The following OR8D1 variants were observed in gnomAD, a reference collection of about 807,000 sequenced individuals.
The protein encoded by OR8D1 is olfactory receptor family 8 subfamily D member 1.
For missense variants in OR8D1, 384 were observed against 366.8 expected, an observed-to-expected ratio of 1.05 and a Z score of -0.38; for synonymous variants, 143 against 147.0, an observed-to-expected ratio of 0.97 and a Z score of 0.20.
At chr11:124,312,579 G>A (rs906340316) in intron 1 of OR8D1, among the ~76,000 whole-genome samples, 4 of 148,132 alleles carry the variant, frequency 2.7e-5, no homozygotes, top group Non-Finnish European at 4.4e-5. Context: ...GTGCAATGGC[G>A]CCATCTCGGC....
At position 124,304,142 on chromosome 11, in the gene OR8D1, G is replaced by A. The variant is rs1366159949; in HGVS notation, c.*5698C>T. ...AGAAAACATGTCAGTCTCTAATGTA[G>A]GCCATTGCTATCACCTGAGAAAGTT... On this transcript the variant is annotated 3_prime_UTR_variant, in exon 3 of 3. Coordinates refer to ENST00000641015, the MANE Select transcript of OR8D1 (RefSeq NM_001002917.2). The A allele has an allele frequency of 6.6e-6, 1 of 151,868 alleles. No individual in the cohort carries two copies. The highest frequency in any genetic ancestry group is 2.4e-5 in the African/African-American group (1 of 41,390). The allele number at this position is 151,868 out of a possible 1,614,324, so 9.4% of individuals were successfully genotyped here.
chr11:124,313,175 AAAGGAAAGAAAAAGAAGG>A (rs983908147), intron 1 of OR8D1, among the ~76,000 whole-genome samples: 9 of 149,748 alleles, frequency 6.0e-5, no homozygotes, highest in Non-Finnish European at 1.2e-4. Flanking sequence ...CTCCATCTCG[AAAGGAAAGAAAAAGAAGG>A]AAGGAAAGAA....
Position 124,304,328 on chromosome 11 carries a change from A to G in OR8D1, c.*5512T>C, listed in dbSNP as rs745404523. 3.3e-5 allele frequency: 5 copies of G among 151,974 alleles called. No individual in the cohort carries two copies. The highest frequency in any genetic ancestry group is 4.8e-5 in the African/African-American group (2 of 41,442). 9.4% of individuals were successfully genotyped at this position (151,974 alleles called of 1,614,324 possible). ...GTTTGTGGTTTCTTGGCCTAGACATATTATTAAATGATATTCATCTGTTTG... is the reference window on the plus strand; with the variant it reads ...GTTTGTGGTTTCTTGGCCTAGACATGTTATTAAATGATATTCATCTGTTTG... On this transcript the variant is annotated 3_prime_UTR_variant, in exon 3 of 3. Transcript: ENST00000641015.
chr11:124,312,903 G>T (rs570953), intron 1 of OR8D1, among the ~76,000 whole-genome samples: 3,440 of 152,000 alleles, frequency 0.023, 62 homozygotes, highest in South Asian at 0.04. Context: ...GCCAGGCGTG[G>T]TGCCTCATCC....
chr11:124,311,227 G>A (rs1028941870), intron 2 of OR8D1, among the ~76,000 whole-genome samples: 1 of 152,106 alleles, frequency 6.6e-6, no homozygotes, highest in Non-Finnish European at 1.5e-5. Flanking sequence ...AGAATTGAAA[G>A]TGTCTATTAC....
In OR8D1 at chr11:124,302,984, C is replaced by T. The variant is rs1245454401; in HGVS notation, c.*6856G>A. Reference sequence around the variant, plus strand: ...TCCTGATTTACTCATGAACTCCTTACTAGGAAGGAATAAGGAGACCAAAAC... The same window carrying T: ...TCCTGATTTACTCATGAACTCCTTATTAGGAAGGAATAAGGAGACCAAAAC... On this transcript the variant is annotated 3_prime_UTR_variant, in exon 3 of 3. Coordinates refer to ENST00000641015, the MANE Select transcript of OR8D1 (RefSeq NM_001002917.2). 6.6e-6 allele frequency: 1 copy of T among 151,976 alleles called. No individual in the cohort carries two copies. Among genetic ancestry groups the T allele is most frequent in the African/African-American group, 2.4e-5 (1 of 41,404 alleles). 9.4% of individuals were successfully genotyped at this position (151,976 alleles called of 1,614,324 possible).
Position 124,310,747 on chromosome 11 carries a change from G to T in OR8D1, c.20C>A (p.Ser7Tyr), listed in dbSNP as rs138336307. Residue 7 changes from serine (S) to tyrosine (Y), a missense_variant, in exon 3 of 3, where the codon TCT (serine) becomes TAT (tyrosine). Transcript: ENST00000641015. MTMENY[S>Y]MAAQFVLDGL... ...ATCTAAGACAAACTGAGCTGCCATA[G>T]AATAATTTTCCATGGTCATTCTTCT... The T allele has an allele frequency of 5.0e-3, 7,996 of 1,610,566 alleles. 28 individuals carry two copies. Among genetic ancestry groups the T allele is most frequent in the Non-Finnish European group, 5.5e-3 (6,468 of 1,178,106 alleles).
At chr11:124,312,727 A>G (rs1862433863) in intron 1 of OR8D1, among the ~76,000 whole-genome samples, 1 of 151,734 alleles carries the variant, frequency 6.6e-6, no homozygotes, top group African/African-American at 2.4e-5. Flanking sequence ...CATGTTGGCC[A>G]GGCTGGTCTC....
Position 124,310,768 on chromosome 11 carries a change from C to T in OR8D1, c.-2G>A, listed in dbSNP as rs200016661. The T allele has an allele frequency of 2.6e-5, 41 of 1,601,944 alleles. No individual in the cohort carries two copies. The African/African-American group carries it at 4.6e-4, about 18-fold the overall frequency. On this transcript the variant is annotated 5_prime_UTR_variant, in exon 3 of 3. Transcript: ENST00000641015. ...CATAGAATAATTTTCCATGGTCATT[C>T]TTCTTTAGGCATTTCTGTGAAAATA...
chr11:124,310,035 A>G lies in OR8D1; in HGVS notation c.732T>C (p.His244=). The G allele has an allele frequency of 1.2e-6, 2 of 1,611,102 alleles. No homozygotes were observed. Among genetic ancestry groups the G allele is most frequent in the Non-Finnish European group, 8.5e-7 (1 of 1,178,344 alleles). ...CAAAGAAGATCACCACAGCCATGAG[A>G]TGAGAGCTGCATGTTCCAAAAGCTT... is the stretch of plus-strand genomic sequence containing the variant. ...RSKAFGTCSS[H]LMAVVIFFGS... Residue 244 remains histidine (H), a synonymous_variant, in exon 3 of 3, where the codon CAT becomes CAC. Coordinates refer to ENST00000641015, the MANE Select transcript of OR8D1 (RefSeq NM_001002917.2).
chr11:124,310,365 C>T lies in OR8D1; in HGVS notation c.402G>A (p.Ala134=), dbSNP rs1467733666. The T allele has an allele frequency of 3.7e-6, 6 of 1,613,432 alleles. No individual in the cohort carries two copies. Among genetic ancestry groups the T allele is most frequent in the Middle Eastern group, 1.6e-4 (1 of 6,078 alleles). The part of the protein sequence containing the change: ...VAICSPLLYN[A]IMSSWVCSLL... ...GTGAGCAGACCCATGAGGACATGATCGCATTATAAAGCAGTGGGCTACAGA... is the reference window on the plus strand; with the variant it reads ...GTGAGCAGACCCATGAGGACATGATTGCATTATAAAGCAGTGGGCTACAGA... Residue 134 remains alanine, a synonymous_variant, in exon 3 of 3, where the codon GCG becomes GCA. Transcript: ENST00000641015.
intron 1 of OR8D1, among the ~76,000 whole-genome samples, chr11:124,312,915 T>C (rs1362255442): frequency 1.3e-5 from 2 of 152,018 alleles, no homozygotes; most frequent in African/African-American, 2.4e-5. Context: ...GCCTCATCCA[T>C]GTAATCCCAG....
In OR8D1 at chr11:124,306,947, T is replaced by G. The variant is rs1186696528; in HGVS notation, c.*2893A>C. 3 of 152,104 alleles carry G rather than the reference T, an allele frequency of 2.0e-5. No individual in the cohort carries two copies. The highest frequency in any genetic ancestry group is 6.6e-5 in the Admixed American group (1 of 15,248). The allele number at this position is 152,104 out of a possible 1,614,324, so 9.4% of individuals were successfully genotyped here. A position where few individuals can be genotyped will look rare whatever the true frequency, so the allele number is the denominator to read the frequency against. The stretch of plus-strand genomic sequence containing the variant: ...AAATGGTTCTCTTTTTTGTTGTTCT[T>G]TTTGAGAGTTAGCATATTTTAGAAA... On this transcript the variant is annotated 3_prime_UTR_variant, in exon 3 of 3. Transcript: ENST00000641015.
At chr11:124,310,858 GGA>G in intron 2 of OR8D1, 76 bp from the exon 3 acceptor site, 1 of 889,184 alleles carries the variant, frequency 1.1e-6, no homozygotes, top group East Asian at 2.5e-5. Context: ...ATTGCATAAG[GGA>G]GGTTGACAGC....
chr11:124,310,563 G>C lies in OR8D1; in HGVS notation c.204C>G (p.Phe68Leu), dbSNP rs142777403. Residue 68 changes from phenylalanine (F) to leucine (L), a missense_variant, in exon 3 of 3, where the codon TTC becomes TTG. By Grantham distance (22) the Phe-to-Leu change is conservative. Coordinates refer to ENST00000641015, the MANE Select transcript of OR8D1 (RefSeq NM_001002917.2). Reference protein sequence around the residue: ...PMYYFLSSLSFVDFCYSSVIT... With the variant: ...PMYYFLSSLSLVDFCYSSVIT... ...TGACAGAGGAATAGCAGAAATCGACGAAGGACAAGCTGCTGAGGAAATAGT... is the reference window on the plus strand; with the variant it reads ...TGACAGAGGAATAGCAGAAATCGACCAAGGACAAGCTGCTGAGGAAATAGT... 2 of 1,613,768 alleles carry C rather than the reference G, an allele frequency of 1.2e-6. No individual in the cohort carries two copies. Among genetic ancestry groups the C allele is most frequent in the African/African-American group, 1.3e-5 (1 of 75,016 alleles).
Position 124,310,567 on chromosome 11 carries a change from G to C in OR8D1, c.200C>G (p.Ser67Cys), listed in dbSNP as rs574674530. ...AGAGGAATAGCAGAAATCGACGAAGGACAAGCTGCTGAGGAAATAGTACAT... is the reference window on the plus strand; with the variant it reads ...AGAGGAATAGCAGAAATCGACGAAGCACAAGCTGCTGAGGAAATAGTACAT... ...TPMYYFLSSL[S>C]FVDFCYSSVI... is the part of the protein sequence containing the mutation. Residue 67 changes from serine (S) to cysteine (C), a missense_variant, in exon 3 of 3, where the codon TCC becomes TGC. Physicochemically the swap from Ser to Cys is moderately radical, Grantham distance 112 (BLOSUM62 -1). Coordinates refer to ENST00000641015, the MANE Select transcript of OR8D1 (RefSeq NM_001002917.2). The C allele has an allele frequency of 6.2e-7, 1 of 1,613,804 alleles. No homozygotes were observed. Among genetic ancestry groups the C allele is most frequent in the Non-Finnish European group, 8.5e-7 (1 of 1,179,862 alleles).
rs1231884239 is a variant in OR8D1, at chr11:124,307,124, C to CA, written c.*2715dup. The CA allele has an allele frequency of 6.6e-6, 1 of 151,940 alleles. No homozygotes were observed. The allele number at this position is 151,940 out of a possible 1,614,324, so 9.4% of individuals were successfully genotyped here. ...TTATTTGCCCCAAAATATACCTTGCCAAACAACCAGTATCTGGTGGTTTGG... is the reference window on the plus strand; with the variant it reads ...TTATTTGCCCCAAAATATACCTTGCCAAAACAACCAGTATCTGGTGGTTTGG... On this transcript the variant is annotated 3_prime_UTR_variant, in exon 3 of 3. Transcript: ENST00000641015.
chr11:124,309,733 C>G lies in OR8D1; in HGVS notation c.*107G>C. 1 of 550,908 alleles carries G rather than the reference C, an allele frequency of 1.8e-6. No individual in the cohort carries two copies. Among genetic ancestry groups the G allele is most frequent in the South Asian group, 7.2e-5 (1 of 13,876 alleles). 34.1% of individuals were successfully genotyped at this position (550,908 alleles called of 1,614,324 possible). A position where few individuals can be genotyped will look rare whatever the true frequency, so the allele number is the denominator to read the frequency against. On this transcript the variant is annotated 3_prime_UTR_variant, in exon 3 of 3. Transcript: ENST00000641015. ...ATAGATGGGAAAGTATTTTTAAAAT[C>G]TAGATATTATGTATGTTACAACAGA...
In OR8D1 at chr11:124,305,858, T is replaced by A. The variant is rs1862364839; in HGVS notation, c.*3982A>T. The A allele has an allele frequency of 6.6e-6, 1 of 151,916 alleles. No individual in the cohort carries two copies. Among genetic ancestry groups the A allele is most frequent in the South Asian group, 2.1e-4 (1 of 4,832 alleles). 9.4% of individuals were successfully genotyped at this position (151,916 alleles called of 1,614,324 possible). Reference sequence around the variant, plus strand: ...TCTTTCAATATGAAAAGAAAGAATGTCTGTTAAAGCACTACGGATTTTTCA... The same window carrying A: ...TCTTTCAATATGAAAAGAAAGAATGACTGTTAAAGCACTACGGATTTTTCA... On this transcript the variant is annotated 3_prime_UTR_variant, in exon 3 of 3. Coordinates refer to ENST00000641015, the MANE Select transcript of OR8D1 (RefSeq NM_001002917.2).
Sources: allele counts gnomAD v4.1 joint callset (sites outside exome capture counted in the v4.1 genomes callset), GRCh38; gene constraint gnomAD v4.1.1; transcripts MANE v1.5; gene names NCBI Gene and HGNC (gene_info 2026-07-23, HGNC 2026-07-21).